Variants in KCNQ1OT1 observed in about 807,000 individuals in gnomAD.
KCNQ1OT1 encodes KCNQ1 opposite strand/antisense transcript 1, also known as KCNQ1 antisense RNA 2 (non-protein coding).
exon 1 of KCNQ1OT1, chr11:2,641,524 AT>A: frequency 2.5e-6 from 1 of 398,376 alleles, no homozygotes; most frequent in Non-Finnish European, 4.4e-6. Context: ...TTCCTAGTAT[AT>A]TCTGGTATTA....
chr11:2,619,632 T>C, exon 1 of KCNQ1OT1: 1 of 398,580 alleles, frequency 2.5e-6, no homozygotes, highest in Non-Finnish European at 4.4e-6. Context: ...TTTCCTTTTC[T>C]TGTGATGCCT....
exon 1 of KCNQ1OT1, chr11:2,650,404 T>C: frequency 2.5e-6 from 1 of 398,630 alleles, no homozygotes. Flanking sequence ...TGGAGTAGCC[T>C]TAGTAAGGAC....
In KCNQ1OT1 at chr11:2,683,729, T is replaced by C; in HGVS notation, n.16266A>G. The stretch of plus-strand genomic sequence containing the variant: ...CCTTTCCTTACTCCCTCTGGTTACC[T>C]AGCTTTAGCTCTGAGGCAGCCCAGA... On this transcript the variant is annotated non_coding_transcript_exon_variant, in exon 1 of 1. Coordinates refer to ENST00000597346, the Ensembl canonical transcript of KCNQ1OT1. This position sits in a 1 kb window ranked among gnomAD's most constrained non-coding sequence, Gnocchi z 4.7. The C allele has an allele frequency of 2.5e-6, 1 of 398,626 alleles. No homozygotes were observed. Among genetic ancestry groups the C allele is most frequent in the Non-Finnish European group, 4.4e-6 (1 of 226,066 alleles). 24.7% of individuals were successfully genotyped at this position (398,626 alleles called of 1,614,324 possible). A position where few individuals can be genotyped will look rare whatever the true frequency, so the allele number is the denominator to read the frequency against.
In KCNQ1OT1 at chr11:2,654,517, G is replaced by A. The variant is rs1849807354; in HGVS notation, n.45478C>T. The A allele has an allele frequency of 2.5e-6, 1 of 398,750 alleles. No individual in the cohort carries two copies. The highest frequency in any genetic ancestry group is 4.4e-6 in the Non-Finnish European group (1 of 226,202). The allele number at this position is 398,750 out of a possible 1,614,324, so 24.7% of individuals were successfully genotyped here. On this transcript the variant is annotated non_coding_transcript_exon_variant, in exon 1 of 1. Coordinates refer to ENST00000597346, the Ensembl canonical transcript of KCNQ1OT1. This position sits in a 1 kb window ranked among gnomAD's most constrained non-coding sequence, Gnocchi z 6.4. ...GGGGCAATCTCCGGAGCCCTGGAAA[G>A]CTTGTGGAAGAGGGCTTGGGTTACA...
chr11:2,683,906 G>A lies in KCNQ1OT1; in HGVS notation n.16089C>T, dbSNP rs117916938. The A allele has an allele frequency of 6.1e-4, 242 of 396,916 alleles. 2 individuals are homozygous for A. The East Asian group carries it at 8.2e-3, about 14-fold the overall frequency. 24.6% of individuals were successfully genotyped at this position (396,916 alleles called of 1,614,324 possible). A position where few individuals can be genotyped will look rare whatever the true frequency, so the allele number is the denominator to read the frequency against. On this transcript the variant is annotated non_coding_transcript_exon_variant, in exon 1 of 1. Coordinates refer to ENST00000597346, the Ensembl canonical transcript of KCNQ1OT1. The surrounding 1 kb of genome is among the most constrained non-coding windows in gnomAD (Gnocchi z 4.7). ...TCATAAATGCAAAAGATGGCCAAAG[G>A]TGCATGCTCTGTGACACGTTTCATA...
At position 2,661,828 on chromosome 11, in the gene KCNQ1OT1, T is replaced by C; in HGVS notation, n.38167A>G. The stretch of plus-strand genomic sequence containing the variant: ...CCACCCCAACACCCAACTATAAAAC[T>C]GATTGTCAGGGCTGGAGCTTCCAGG... On this transcript the variant is annotated non_coding_transcript_exon_variant, in exon 1 of 1. Transcript: ENST00000597346. The surrounding 1 kb of genome is among the most constrained non-coding windows in gnomAD (Gnocchi z 5.9). 9.3e-7 allele frequency: 1 copy of C among 1,079,272 alleles called. No individual in the cohort carries two copies. The highest frequency in any genetic ancestry group is 1.4e-6 in the Non-Finnish European group (1 of 711,908). The allele number at this position is 1,079,272 out of a possible 1,614,324, so 66.9% of individuals were successfully genotyped here. A position where few individuals can be genotyped will look rare whatever the true frequency, so the allele number is the denominator to read the frequency against.
chr11:2,631,100 G>GT (rs1849345553), exon 1 of KCNQ1OT1: 4 of 398,380 alleles, frequency 1.0e-5, no homozygotes, highest in Admixed American at 8.8e-5. Context: ...TGAGCTTCAT[G>GT]TACCTAGATG....
At position 2,627,496 on chromosome 11, in the gene KCNQ1OT1, C is replaced by T. The variant is rs11023536; in HGVS notation, n.72499G>A. 352,528 of 398,436 alleles carry T rather than the reference C, an allele frequency of 0.88. 156,176 individuals are homozygous for T. The highest frequency in any genetic ancestry group is 0.91 in the East Asian group (25,642 of 28,058). 24.7% of individuals were successfully genotyped at this position (398,436 alleles called of 1,614,324 possible). On this transcript the variant is annotated non_coding_transcript_exon_variant, in exon 1 of 1. Coordinates refer to ENST00000597346, the Ensembl canonical transcript of KCNQ1OT1. The surrounding 1 kb of genome is among the most constrained non-coding windows in gnomAD (Gnocchi z 4.9). The stretch of plus-strand genomic sequence containing the variant: ...CCCTAGTAACCACCCTTCTACTCTC[C>T]GTTTCTCTGAGTTCAAGCTTTTTAG...
exon 1 of KCNQ1OT1, chr11:2,699,892 C>T (rs942446677): frequency 2.3e-5 from 9 of 397,792 alleles, no homozygotes; most frequent in African/African-American, 4.1e-5. Flanking sequence ...GGGAGGACCA[C>T]GCTGAGAGGC....
rs1849906161 is a variant in KCNQ1OT1 at position 2,659,203 on chromosome 11, A to G, written n.40792T>C. 1 of 398,506 alleles carries G rather than the reference A, an allele frequency of 2.5e-6. No individual in the cohort carries two copies. The highest frequency in any genetic ancestry group is 3.6e-5 in the East Asian group (1 of 28,090). 24.7% of individuals were successfully genotyped at this position (398,506 alleles called of 1,614,324 possible). On this transcript the variant is annotated non_coding_transcript_exon_variant, in exon 1 of 1. Coordinates refer to ENST00000597346, the Ensembl canonical transcript of KCNQ1OT1. The surrounding 1 kb of genome is among the most constrained non-coding windows in gnomAD (Gnocchi z 4.3). The stretch of plus-strand genomic sequence containing the variant: ...TGGAGTCATGTGTCCACAATCCAGT[A>G]TCATTCACAGAAGTTCCATACCCCT...
At position 2,679,336 on chromosome 11, in the gene KCNQ1OT1, C is replaced by T. The variant is rs1850347359; in HGVS notation, n.20659G>A. 5.0e-6 allele frequency: 2 copies of T among 398,526 alleles called. No homozygotes were observed. The highest frequency in any genetic ancestry group is 8.8e-6 in the Non-Finnish European group (2 of 226,080). The allele number at this position is 398,526 out of a possible 1,614,324, so 24.7% of individuals were successfully genotyped here. A position where few individuals can be genotyped will look rare whatever the true frequency, so the allele number is the denominator to read the frequency against. Reference sequence around the variant, plus strand: ...GGAGTCTGAACTCATATCCTAATTCCACTACTTTCTACCTGCTACACCTTG... The same window carrying T: ...GGAGTCTGAACTCATATCCTAATTCTACTACTTTCTACCTGCTACACCTTG... On this transcript the variant is annotated non_coding_transcript_exon_variant, in exon 1 of 1. Transcript: ENST00000597346. This position sits in a 1 kb window ranked among gnomAD's most constrained non-coding sequence, Gnocchi z 4.8.
rs1398127021 is a variant in KCNQ1OT1, at chr11:2,645,343, C to T, written n.54652G>A. The T allele has an allele frequency of 5.0e-6, 2 of 398,520 alleles. No homozygotes were observed. Among genetic ancestry groups the T allele is most frequent in the Non-Finnish European group, 4.4e-6 (1 of 226,218 alleles). The allele number at this position is 398,520 out of a possible 1,614,324, so 24.7% of individuals were successfully genotyped here. A position where few individuals can be genotyped will look rare whatever the true frequency, so the allele number is the denominator to read the frequency against. Reference sequence around the variant, plus strand: ...GGATAGGGCAGGGTGATCCCTAGGCCCAGAGATGGTATGCGCTGGCACTGG... The same window carrying T: ...GGATAGGGCAGGGTGATCCCTAGGCTCAGAGATGGTATGCGCTGGCACTGG... On this transcript the variant is annotated non_coding_transcript_exon_variant, in exon 1 of 1. Transcript: ENST00000597346. This position sits in a 1 kb window ranked among gnomAD's most constrained non-coding sequence, Gnocchi z 5.8.
At position 2,619,111 on chromosome 11, in the gene KCNQ1OT1, T is replaced by C. The variant is rs1849119773; in HGVS notation, n.80884A>G. 1.0e-5 allele frequency: 4 copies of C among 398,550 alleles called. No homozygotes were observed. The South Asian group carries it at 5.1e-4, about 51-fold the overall frequency. 24.7% of individuals were successfully genotyped at this position (398,550 alleles called of 1,614,324 possible). A position where few individuals can be genotyped will look rare whatever the true frequency, so the allele number is the denominator to read the frequency against. ...GGGGTTTTCTATATGTAGGATCATGTCATCTTCATATAAAGATAATATTAC... is the reference window on the plus strand; with the variant it reads ...GGGGTTTTCTATATGTAGGATCATGCCATCTTCATATAAAGATAATATTAC... On this transcript the variant is annotated non_coding_transcript_exon_variant, in exon 1 of 1. Transcript: ENST00000597346.
Position 2,653,850 on chromosome 11 carries a change from C to G in KCNQ1OT1, n.46145G>C. The G allele has an allele frequency of 2.5e-6, 1 of 398,576 alleles. No homozygotes were observed. Among genetic ancestry groups the G allele is most frequent in the Non-Finnish European group, 4.4e-6 (1 of 226,078 alleles). 24.7% of individuals were successfully genotyped at this position (398,576 alleles called of 1,614,324 possible). On this transcript the variant is annotated non_coding_transcript_exon_variant, in exon 1 of 1. Transcript: ENST00000597346. The surrounding 1 kb of genome is among the most constrained non-coding windows in gnomAD (Gnocchi z 5.3). Reference sequence around the variant, plus strand: ...CCCCTTTGGGGATGGCCAGAGGGTACCTAAACACTGCACACTAGGAGTGGG... The same window carrying G: ...CCCCTTTGGGGATGGCCAGAGGGTAGCTAAACACTGCACACTAGGAGTGGG...
exon 1 of KCNQ1OT1, chr11:2,680,838 G>A (rs183846023): frequency 1.5e-4 from 59 of 398,124 alleles, no homozygotes; most frequent in Non-Finnish European, 1.7e-4. Flanking sequence ...TTTTGGGATC[G>A]GCTCTTTTCA....
rs1850028863 is a variant in KCNQ1OT1, at chr11:2,664,548, G to A, written n.35447C>T. The A allele has an allele frequency of 5.0e-6, 2 of 398,754 alleles. No individual in the cohort carries two copies. Among genetic ancestry groups the A allele is most frequent in the Non-Finnish European group, 8.8e-6 (2 of 226,166 alleles). 24.7% of individuals were successfully genotyped at this position (398,754 alleles called of 1,614,324 possible). A position where few individuals can be genotyped will look rare whatever the true frequency, so the allele number is the denominator to read the frequency against. ...GCCCAAACCGCCTGGCGGCAGGGGT[G>A]TGGGGGCCGTGCAGGTCTTCTGCCC... is the stretch of plus-strand genomic sequence containing the variant. On this transcript the variant is annotated non_coding_transcript_exon_variant, in exon 1 of 1. Coordinates refer to ENST00000597346, the Ensembl canonical transcript of KCNQ1OT1. The surrounding 1 kb of genome is among the most constrained non-coding windows in gnomAD (Gnocchi z 5.1).
chr11:2,683,021 T>G lies in KCNQ1OT1; in HGVS notation n.16974A>C. ...GCTGTGCAGCCTTAGTTCTGCCTCC[T>G]GAGAGAGGTGACCTTCTCCCACTTC... is the stretch of plus-strand genomic sequence containing the variant. On this transcript the variant is annotated non_coding_transcript_exon_variant, in exon 1 of 1. Coordinates refer to ENST00000597346, the Ensembl canonical transcript of KCNQ1OT1. This position sits in a 1 kb window ranked among gnomAD's most constrained non-coding sequence, Gnocchi z 4.7. The G allele has an allele frequency of 2.5e-6, 1 of 398,700 alleles. No individual in the cohort carries two copies. The highest frequency in any genetic ancestry group is 4.4e-6 in the Non-Finnish European group (1 of 226,098). 24.7% of individuals were successfully genotyped at this position (398,700 alleles called of 1,614,324 possible).
At position 2,664,539 on chromosome 11, in the gene KCNQ1OT1, G is replaced by A. The variant is rs780836463; in HGVS notation, n.35456C>T. ...TTCCTCAGGGCCCAAACCGCCTGGC[G>A]GCAGGGGTGTGGGGGCCGTGCAGGT... On this transcript the variant is annotated non_coding_transcript_exon_variant, in exon 1 of 1. Transcript: ENST00000597346. The surrounding 1 kb of genome is among the most constrained non-coding windows in gnomAD (Gnocchi z 5.1). The A allele has an allele frequency of 4.5e-5, 18 of 398,634 alleles. No individual in the cohort carries two copies. Among genetic ancestry groups the A allele is most frequent in the South Asian group, 1.3e-4 (1 of 7,864 alleles). The allele number at this position is 398,634 out of a possible 1,614,324, so 24.7% of individuals were successfully genotyped here.
chr11:2,608,376 C>A lies in KCNQ1OT1; in HGVS notation n.91619G>T, dbSNP rs1848915217. On this transcript the variant is annotated non_coding_transcript_exon_variant, in exon 1 of 1. Transcript: ENST00000597346. The surrounding 1 kb of genome is among the most constrained non-coding windows in gnomAD (Gnocchi z 4.6). ...CTTTCTAGGAATTTGTCAATTTCAT[C>A]TAAGTTTTATAATTTATTGGCACAA... 1 of 398,454 alleles carries A rather than the reference C, an allele frequency of 2.5e-6. No homozygotes were observed. Among genetic ancestry groups the A allele is most frequent in the Admixed American group, 4.4e-5 (1 of 22,710 alleles). 24.7% of individuals were successfully genotyped at this position (398,454 alleles called of 1,614,324 possible). A position where few individuals can be genotyped will look rare whatever the true frequency, so the allele number is the denominator to read the frequency against.
Sources: gnomAD v4.1 joint callset for allele counts on GRCh38, gnomAD v4.1.1 for gene constraint, Gnocchi (gnomAD v3.1) non-coding constraint, MANE v1.5 for transcripts, NCBI Gene and HGNC (gene_info 2026-07-23, HGNC 2026-07-21) for gene names.